ALK: variants seen among roughly 807,000 people sequenced by gnomAD.
The protein encoded by ALK is ALK tyrosine kinase receptor.
Under a neutral mutation model 163.1 loss-of-function variants are expected in ALK, and 74 were observed. The observed-to-expected ratio is 0.45, with a 90% confidence interval of 0.38 to 0.55. The LOEUF (loss-of-function observed/expected upper bound fraction) is 0.55. Ranked by LOEUF, ALK falls within the 20% of genes least tolerant of loss-of-function variation. The pLI is 0.00. For synonymous variants in ALK, 960 were observed against 843.2 expected, an observed-to-expected ratio of 1.14 and a Z score of -2.40; for missense variants, 2,063 against 2,105.3, an observed-to-expected ratio of 0.98 and a Z score of 0.39.
intron 4 of ALK, among the ~76,000 whole-genome samples, chr2:29,457,726 TCTA>T (rs1385782171): frequency 6.6e-6 from 1 of 152,010 alleles, no homozygotes; most frequent in Non-Finnish European, 1.5e-5. Context: ...TTATCAAGAG[TCTA>T]CTATTTGTCA....
rs141532413 is a variant in ALK at position 29,670,560 on chromosome 2, A to G, written c.952+24290T>C. Among the ~76,000 whole-genome samples, 87 of 152,060 alleles carry G rather than the reference A, an allele frequency of 5.7e-4. 2 individuals are homozygous for G. The East Asian group carries it at 0.015, about 27-fold the overall frequency. ...ATTTGTATATTTCCCAAGTTTGAGG[A>G]AGTTTTCTGCTATTATTTCTTCGAA... On this transcript the variant is annotated intron_variant, in intron 3 of 28. Coordinates refer to ENST00000389048, the MANE Select transcript of ALK (RefSeq NM_004304.5).
At chr2:29,795,374 A>G (rs1412207558) in intron 1 of ALK, among the ~76,000 whole-genome samples, 1 of 152,210 alleles carries the variant, frequency 6.6e-6, no homozygotes, top group Non-Finnish European at 1.5e-5. Context: ...TGGGAGTATA[A>G]ATTGTTCTGG....
intron 23 of ALK, among the ~76,000 whole-genome samples, chr2:29,220,456 C>A (rs1267209717): frequency 6.6e-6 from 1 of 152,158 alleles, no homozygotes; most frequent in Non-Finnish European, 1.5e-5. Flanking sequence ...TATATAAATG[C>A]AAGAATGGAC....
rs755124993 is a variant in ALK, at chr2:29,275,178, G to T, written c.1962C>A (p.Asn654Lys). 2.5e-6 allele frequency: 4 copies of T among 1,614,194 alleles called. No individual in the cohort carries two copies. Among genetic ancestry groups the T allele is most frequent in the Admixed American group, 3.3e-5 (2 of 60,020 alleles). The change falls in exon 11 of 29, where the codon AAC (asparagine) becomes AAA (lysine). Residue 654 changes from asparagine (N) to lysine (K), a missense_variant. By Grantham distance (94) the Asn-to-Lys change is moderately conservative. Around this residue, in one of 5 missense-constraint regions of ALK, gnomAD observed 987 missense variants for 939.5 expected, o/e 1.05. Coordinates refer to ENST00000389048, the MANE Select transcript of ALK (RefSeq NM_004304.5). Reference protein sequence around the residue: ...ILQNTAPKSRNLFERNPNKEL... With the variant: ...ILQNTAPKSRKLFERNPNKEL... ...CCTTGTTTGGGTTTCTCTCAAACAG[G>T]TTTCTTGATTTGGGTGCTGTATTCT...
intron 1 of ALK, among the ~76,000 whole-genome samples, chr2:29,765,137 G>A (rs1680822744): frequency 6.6e-6 from 1 of 152,082 alleles, no homozygotes; most frequent in Non-Finnish European, 1.5e-5. Context: ...ATATCCTGTA[G>A]AACTATGAGC....
intron 1 of ALK, among the ~76,000 whole-genome samples, chr2:29,815,489 C>T (rs769024802): frequency 2.0e-5 from 3 of 152,018 alleles, no homozygotes; most frequent in Non-Finnish European, 2.9e-5. Context: ...TGGGACTCTG[C>T]GCCGGGCCCC....
At chr2:29,852,899 G>A (rs896478056) in intron 1 of ALK, among the ~76,000 whole-genome samples, 1 of 151,030 alleles carries the variant, frequency 6.6e-6, no homozygotes, top group Non-Finnish European at 1.5e-5. Context: ...GATACAACCA[G>A]AAGACAGCCA....
At chr2:29,641,900 G>A (rs758012782) in intron 3 of ALK, among the ~76,000 whole-genome samples, 59 of 152,096 alleles carry the variant, frequency 3.9e-4, no homozygotes, top group Non-Finnish European at 6.3e-4. Context: ...ATCCCTAATG[G>A]GGGATCAGAC....
At chr2:29,812,983 T>A (rs1358331132) in intron 1 of ALK, among the ~76,000 whole-genome samples, 1 of 152,206 alleles carries the variant, frequency 6.6e-6, no homozygotes, top group African/African-American at 2.4e-5. Context: ...TTGGTCCTGA[T>A]CTGAAGATGT....
intron 11 of ALK, among the ~76,000 whole-genome samples, chr2:29,264,779 G>A (rs187383764): frequency 6.6e-6 from 1 of 152,184 alleles, no homozygotes; most frequent in African/African-American, 2.4e-5. Flanking sequence ...TGGGGCTCCT[G>A]TTTTAGTGTT....
intron 3 of ALK, among the ~76,000 whole-genome samples, chr2:29,594,481 T>C (rs1675146387): frequency 6.9e-6 from 1 of 145,978 alleles, no homozygotes; most frequent in African/African-American, 2.6e-5. Context: ...CAGGCTGGAG[T>C]GTAGTGGCAC....
intron 7 of ALK, among the ~76,000 whole-genome samples, chr2:29,320,452 C>T (rs775432910): frequency 2.0e-5 from 3 of 152,202 alleles, no homozygotes; most frequent in Non-Finnish European, 2.9e-5. Flanking sequence ...ACACATAGGA[C>T]GCCCTCAGCA....
chr2:29,487,544 C>T (rs543037411), intron 4 of ALK, among the ~76,000 whole-genome samples: 13 of 152,288 alleles, frequency 8.5e-5, no homozygotes, highest in African/African-American at 3.1e-4. Flanking sequence ...CCCAAAGCAT[C>T]AGATTCAAGG....
chr2:29,813,572 A>G (rs1035471928), intron 1 of ALK, among the ~76,000 whole-genome samples: 1 of 152,300 alleles, frequency 6.6e-6, no homozygotes, highest in African/African-American at 2.4e-5. Flanking sequence ...AAAAAAGAAG[A>G]GGCATAAAAA....
intron 1 of ALK, among the ~76,000 whole-genome samples, chr2:29,780,587 T>C (rs1415808587): frequency 6.6e-6 from 1 of 152,002 alleles, no homozygotes; most frequent in Non-Finnish European, 1.5e-5. Context: ...TCAAATGGAG[T>C]CAGGAATGCA....
At chr2:29,851,642 G>C (rs796540423) in intron 1 of ALK, among the ~76,000 whole-genome samples, 26 of 152,314 alleles carry the variant, frequency 1.7e-4, no homozygotes, top group African/African-American at 5.8e-4. Context: ...CAGCTCCCAA[G>C]TATTGCTGCT....
At chr2:29,907,369 T>C (rs1667579868) in intron 1 of ALK, among the ~76,000 whole-genome samples, 1 of 152,220 alleles carries the variant, frequency 6.6e-6, no homozygotes, top group African/African-American at 2.4e-5. Context: ...TTTCTCTTCT[T>C]TCTTTCAAAG....
chr2:29,317,402 C>T (rs917088471), intron 8 of ALK, among the ~76,000 whole-genome samples: 4 of 152,194 alleles, frequency 2.6e-5, no homozygotes, highest in South Asian at 2.1e-4. Flanking sequence ...CAAGACATGG[C>T]CTGCTCTCTT....
intron 12 of ALK, among the ~76,000 whole-genome samples, chr2:29,241,613 G>A (rs749852242): frequency 7.3e-5 from 11 of 151,710 alleles, no homozygotes; most frequent in Non-Finnish European, 1.6e-4. Flanking sequence ...GGGAATTGGG[G>A]CTTGTGTGAA....
Sources: allele counts gnomAD v4.1 joint callset (sites outside exome capture counted in the v4.1 genomes callset), GRCh38; gene constraint gnomAD v4.1.1; regional missense constraint gnomAD v4.1.1; transcripts MANE v1.5; gene names NCBI Gene and HGNC (gene_info 2026-07-23, HGNC 2026-07-21).